The following MBD5 variants were observed in gnomAD, a reference collection of about 807,000 sequenced individuals.
The protein encoded by MBD5 is methyl-CpG-binding domain protein 5.
Under a neutral mutation model 117.3 loss-of-function variants are expected in MBD5, and 13 were observed. The ratio of observed to expected loss-of-function variants is 0.11; its 90% confidence interval spans 0.07 to 0.18. The LOEUF (loss-of-function observed/expected upper bound fraction) is 0.18, where lower values mean the gene tolerates loss of function less well. MBD5 is among the 10% of genes least tolerant of loss of function. The probability of loss-of-function intolerance (pLI) is 1.00; values close to 1 mark genes in which losing one functional copy is unlikely to be tolerated. For synonymous variants in MBD5, 727 were observed against 766.4 expected, an observed-to-expected ratio of 0.95 and a Z score of 0.85; for missense variants, 1,879 against 2,093.8, an observed-to-expected ratio of 0.90 and a Z score of 2.00.
intron 3 of MBD5, among the ~76,000 whole-genome samples, chr2:148,298,483 ATGTTTCTTCATTGGCTGTG>A (rs1358647081): frequency 1.3e-5 from 2 of 152,310 alleles, no homozygotes; most frequent in Admixed American, 6.5e-5. Flanking sequence ...TCTTGCACAA[ATGTTTCTTCATTGGCTGTG>A]TGCCCTGAAG....
At chr2:148,119,541 C>A (rs1419785326) in intron 1 of MBD5, among the ~76,000 whole-genome samples, 1 of 151,936 alleles carries the variant, frequency 6.6e-6, no homozygotes, top group African/African-American at 2.4e-5. Flanking sequence ...TCTTCTTTTA[C>A]TTGTGCTTTT....
At chr2:148,402,315 T>C (rs1446432979) in intron 4 of MBD5, among the ~76,000 whole-genome samples, 1 of 152,158 alleles carries the variant, frequency 6.6e-6, no homozygotes, top group African/African-American at 2.4e-5. Flanking sequence ...TCATTCCTCC[T>C]ACTTTTATTA....
intron 2 of MBD5, among the ~76,000 whole-genome samples, chr2:148,226,915 T>G (rs1421614846): frequency 2.0e-5 from 3 of 152,250 alleles, no homozygotes; most frequent in African/African-American, 7.2e-5. Flanking sequence ...TGTCTTCTTT[T>G]GAGAAGTGTC....
At chr2:148,327,239 G>A (rs1702479061) in intron 3 of MBD5, among the ~76,000 whole-genome samples, 1 of 152,020 alleles carries the variant, frequency 6.6e-6, no homozygotes, top group African/African-American at 2.4e-5. Context: ...TTTGAGGGTA[G>A]CCTGACCTTT....
At chr2:148,094,096 T>C (rs1226002506) in intron 1 of MBD5, among the ~76,000 whole-genome samples, 1 of 152,220 alleles carries the variant, frequency 6.6e-6, no homozygotes, top group East Asian at 1.9e-4. Flanking sequence ...TCCATGCCTC[T>C]GACTTTTTTT....
At chr2:148,402,570 C>T (rs1011105622) in intron 4 of MBD5, among the ~76,000 whole-genome samples, 1 of 152,134 alleles carries the variant, frequency 6.6e-6, no homozygotes, top group African/African-American at 2.4e-5. Flanking sequence ...TGCTTTCTGT[C>T]ACTATAGATT....
At chr2:148,027,441 T>C (rs1371760326) in intron 1 of MBD5, 1 of 152,144 alleles carries the variant, frequency 6.6e-6, no homozygotes, top group Non-Finnish European at 1.5e-5. Context: ...TTTTATTACT[T>C]AAGTAACTTT....
chr2:148,216,974 C>G (rs191481574), intron 2 of MBD5, among the ~76,000 whole-genome samples: 141 of 152,270 alleles, frequency 9.3e-4, no homozygotes, highest in Non-Finnish European at 1.9e-3. Flanking sequence ...TTGCTTTTTC[C>G]CTTCTGCATT....
At chr2:148,458,073 C>T (rs1023019556) in intron 4 of MBD5, 130 bp from the exon 5 acceptor site, 5 of 389,578 alleles carry the variant, frequency 1.3e-5, no homozygotes, top group African/African-American at 4.1e-5. Context: ...TTGAATTTGA[C>T]GTATGATTTT....
At chr2:148,472,251 G>A (rs1680821445) in intron 8 of MBD5, 1 of 151,704 alleles carries the variant, frequency 6.6e-6, no homozygotes, top group African/African-American at 2.4e-5. Flanking sequence ...TACTGCTGGG[G>A]GTGTCAAAGC....
chr2:148,286,819 T>C (rs757514201), intron 3 of MBD5, among the ~76,000 whole-genome samples: 1 of 152,176 alleles, frequency 6.6e-6, no homozygotes, highest in African/African-American at 2.4e-5. Flanking sequence ...AGATTTACGG[T>C]AAATAGTAGT....
intron 1 of MBD5, among the ~76,000 whole-genome samples, chr2:148,140,349 AT>A (rs897043539): frequency 1.3e-5 from 2 of 152,182 alleles, no homozygotes; most frequent in Non-Finnish European, 2.9e-5. Context: ...AACTATTCAA[AT>A]TTTGTAGGTT....
intron 1 of MBD5, among the ~76,000 whole-genome samples, chr2:148,096,474 C>G (rs1293736838): frequency 6.6e-6 from 1 of 152,154 alleles, no homozygotes; most frequent in African/African-American, 2.4e-5. Flanking sequence ...GTACATCTCT[C>G]ATTTTGAAAA....
At chr2:148,030,646 G>A (rs1193784133) in intron 1 of MBD5, among the ~76,000 whole-genome samples, 2 of 152,098 alleles carry the variant, frequency 1.3e-5, no homozygotes, top group Non-Finnish European at 2.9e-5. Flanking sequence ...GTGGGATGTG[G>A]GAAGGTTGAC....
At chr2:148,343,745 A>C (rs934722394) in intron 4 of MBD5, among the ~76,000 whole-genome samples, 1 of 151,808 alleles carries the variant, frequency 6.6e-6, no homozygotes, top group Non-Finnish European at 1.5e-5. Context: ...CTCTGTTGAT[A>C]ATTTCTGTGG....
In MBD5 at chr2:148,515,072, TA is replaced by T. The variant is rs1682316959; in HGVS notation, c.*2133del. 6.6e-6 allele frequency: 1 copy of T among 152,242 alleles called. No homozygotes were observed. Among genetic ancestry groups the T allele is most frequent in the Non-Finnish European group, 1.5e-5 (1 of 68,046 alleles). The allele number at this position is 152,242 out of a possible 1,614,324, so 9.4% of individuals were successfully genotyped here. A position where few individuals can be genotyped will look rare whatever the true frequency, so the allele number is the denominator to read the frequency against. On this transcript the variant is annotated 3_prime_UTR_variant, in exon 14 of 14. Coordinates refer to ENST00000642680, the MANE Select transcript of MBD5 (RefSeq NM_001378120.1). ...GATGTGGCTAGTATGTTTAAACCAT[TA>T]ATGTCCATTTTTTTTGCACCAACCT...
rs185379958 is a variant in MBD5 at position 148,426,002 on chromosome 2, C to T, written c.-556-32201C>T. 4.1e-3 allele frequency among the ~76,000 whole-genome samples: 628 copies of T among 152,166 alleles called. 5 individuals carry two copies. Among genetic ancestry groups the T allele is most frequent in the African/African-American group, 0.014 (585 of 41,524 alleles). On this transcript the variant is annotated intron_variant, in intron 4 of 13. Coordinates refer to ENST00000642680, the MANE Select transcript of MBD5 (RefSeq NM_001378120.1). ...AAAAATCACAAGCATTCTTATACACCAATAACAGACAAACAGAGAGCCAAA... is the reference window on the plus strand; with the variant it reads ...AAAAATCACAAGCATTCTTATACACTAATAACAGACAAACAGAGAGCCAAA...
intron 4 of MBD5, among the ~76,000 whole-genome samples, chr2:148,382,055 G>A (rs1377257912): frequency 6.6e-6 from 1 of 152,070 alleles, no homozygotes; most frequent in East Asian, 1.9e-4. Flanking sequence ...ATCAAATAAC[G>A]AGCGAAATAA....
At chr2:148,057,186 G>T (rs1694890298) in intron 1 of MBD5, among the ~76,000 whole-genome samples, 1 of 151,436 alleles carries the variant, frequency 6.6e-6, no homozygotes, top group Admixed American at 6.6e-5. Flanking sequence ...ATTTTCTATT[G>T]TGTGCTATTT....
Sources: allele counts gnomAD v4.1 joint callset (sites outside exome capture counted in the v4.1 genomes callset), GRCh38; gene constraint gnomAD v4.1.1; transcripts MANE v1.5; gene names NCBI Gene and HGNC (gene_info 2026-07-23, HGNC 2026-07-21).